Variants in IVL observed in about 807,000 individuals in gnomAD.
IVL encodes involucrin.
For missense variants in IVL, 722 were observed against 624.9 expected (o/e 1.16, Z -1.66); for synonymous variants, 257 against 271.0 (o/e 0.95, Z 0.51).
rs184389068 is a variant in IVL, at chr1:152,910,679, G to T, written c.882G>T (p.Lys294Asn). The change falls in exon 2 of 2, where the codon AAG (lysine) becomes AAT (asparagine). Residue 294 changes from lysine (K) to asparagine (N), a missense_variant. By Grantham distance (94) the Lys-to-Asn change is moderately conservative (BLOSUM62 0). Transcript: ENST00000368764. ...TGGAACAGCAGGAGGGGCAGCTGAA[G>T]CACCTGGATCAGCAGGAGAAGCAGC... ...KYLEQQEGQLKHLDQQEKQPE... is the reference protein window; with the variant it reads ...KYLEQQEGQLNHLDQQEKQPE... The T allele has an allele frequency of 2.2e-4, 336 of 1,549,548 alleles. 1 individual carries two copies. In the African/African-American group the frequency reaches 3.8e-3, roughly 18 times the overall value.
In IVL at chr1:152,911,261, A is replaced by G. The variant is rs1649985721; in HGVS notation, c.1464A>G (p.Ala488=). The G allele has an allele frequency of 6.5e-7, 1 of 1,550,010 alleles. No homozygotes were observed. Among genetic ancestry groups the G allele is most frequent in the African/African-American group, 1.4e-5 (1 of 71,666 alleles). Residue 488 remains alanine (A), a synonymous_variant, in exon 2 of 2, where the codon GCA becomes GCG. Transcript: ENST00000368764. ...TGAAGCACCTGGAGAAGCAGGAGGC[A>G]CAGCTGGAGCTCCCAGAGCAGCAGG... is the stretch of plus-strand genomic sequence containing the variant. ...GQVKHLEKQE[A]QLELPEQQVG... is the part of the protein sequence containing the mutation.
chr1:152,909,741 G>T, intron 1 of IVL, 38 bp from the exon 2 acceptor site: 2 of 1,499,988 alleles, frequency 1.3e-6, no homozygotes, highest in Non-Finnish European at 1.8e-6. Flanking sequence ...TATTTCCTTT[G>T]CCTTCAGCCT....
At position 152,910,142 on chromosome 1, in the gene IVL, G is replaced by A. The variant is rs1649901574; in HGVS notation, c.345G>A (p.Arg115=). 1.2e-6 allele frequency: 2 copies of A among 1,614,026 alleles called. No homozygotes were observed. Among genetic ancestry groups the A allele is most frequent in the African/African-American group, 1.3e-5 (1 of 74,908 alleles). ...AGCTTAAGCAGGAGAAAACACAAAG[G>A]GATCAGCAGCTAAACAAACAGCTGG... is the stretch of plus-strand genomic sequence containing the variant. ...EQQLKQEKTQ[R]DQQLNKQLEE... is the part of the protein sequence containing the mutation. The change falls in exon 2 of 2, where the codon AGG becomes AGA. Residue 115 remains arginine, a synonymous_variant. Transcript: ENST00000368764.
rs1388206618 is a variant in IVL at position 152,911,084 on chromosome 1, G to C, written c.1287G>C (p.Gln429His). The C allele has an allele frequency of 1.3e-5, 20 of 1,551,746 alleles. No individual in the cohort carries two copies. Among genetic ancestry groups the C allele is most frequent in the Non-Finnish European group, 8.7e-7 (1 of 1,147,206 alleles). ...AGCACCTGGAGCAGCAGGTGGGGCA[G>C]CTGAAGCACCTAGAGGAGCAGGAGG... ...QVEHLEQQVG[Q>H]LKHLEEQEGQ... The change falls in exon 2 of 2, where the codon CAG becomes CAC. Residue 429 changes from glutamine to histidine, a missense_variant. By Grantham distance (24) the Gln-to-His change is conservative. Transcript: ENST00000368764.
Position 152,911,490 on chromosome 1 carries a change from G to A in IVL, c.1693G>A (p.Val565Ile), listed in dbSNP as rs917818233. 9 of 1,614,048 alleles carry A rather than the reference G, an allele frequency of 5.6e-6. No individual in the cohort carries two copies. Among genetic ancestry groups the A allele is most frequent in the Non-Finnish European group, 7.6e-6 (9 of 1,180,014 alleles). ...ACCAGCCCTGCCCACAAAGGGAGAA[G>A]TATTGCTTCCTGTAGAGCACCAGCA... The part of the protein sequence containing the change: ...IQPALPTKGE[V>I]LLPVEHQQQK... The change falls in exon 2 of 2, where the codon GTA becomes ATA. Residue 565 changes from valine to isoleucine, a missense_variant. Coordinates refer to ENST00000368764, the MANE Select transcript of IVL (RefSeq NM_005547.4).
In IVL at chr1:152,910,656, G is replaced by A. The variant is rs866248540; in HGVS notation, c.859G>A (p.Glu287Lys). The A allele has an allele frequency of 1.3e-6, 2 of 1,550,788 alleles. No homozygotes were observed. The highest frequency in any genetic ancestry group is 1.7e-4 in the Middle Eastern group (1 of 5,938). ...GCAGATGGGGCAGCTGAAGTACCTG[G>A]AACAGCAGGAGGGGCAGCTGAAGCA... ...EEQMGQLKYL[E>K]QQEGQLKHLD... The change falls in exon 2 of 2, where the codon GAA (glutamate) becomes AAA (lysine). Residue 287 changes from glutamate to lysine, a missense_variant. Transcript: ENST00000368764.
At position 152,910,274 on chromosome 1, in the gene IVL, G is replaced by A. The variant is rs764131852; in HGVS notation, c.477G>A (p.Gln159=). The A allele has an allele frequency of 6.2e-7, 1 of 1,613,332 alleles. No individual in the cohort carries two copies. The highest frequency in any genetic ancestry group is 8.5e-7 in the Non-Finnish European group (1 of 1,179,722). Residue 159 remains glutamine, a synonymous_variant, in exon 2 of 2, where the codon CAG becomes CAA. Transcript: ENST00000368764. ...KEQLLELPEQ[Q]EGHLKHLEQQ... ...AACTGTTGGAGCTCCCAGAGCAGCA[G>A]GAGGGGCACCTGAAGCACCTAGAGC... is the stretch of plus-strand genomic sequence containing the variant.
In IVL at chr1:152,911,026, A is replaced by T. The variant is rs1001758745; in HGVS notation, c.1229A>T (p.Glu410Val). ...EGQLKHLVQQEGQLEQQERQV... is the reference protein window; with the variant it reads ...EGQLKHLVQQVGQLEQQERQV... ...CAGCTGAAGCATCTGGTGCAGCAGG[A>T]GGGGCAGCTGGAGCAGCAGGAGAGG... is the stretch of plus-strand genomic sequence containing the variant. The change falls in exon 2 of 2, where the codon GAG (glutamate) becomes GTG (valine). Residue 410 changes from glutamate to valine, a missense_variant. By Grantham distance (121) the Glu-to-Val change is moderately radical. Coordinates refer to ENST00000368764, the MANE Select transcript of IVL (RefSeq NM_005547.4). 41 of 1,546,822 alleles carry T rather than the reference A, an allele frequency of 2.7e-5. 1 individual carries two copies. The Admixed American group carries it at 7.9e-4, about 30-fold the overall frequency.
Position 152,910,602 on chromosome 1 carries a change from C to G in IVL, c.805C>G (p.Gln269Glu), listed in dbSNP as rs750645771. 1.9e-6 allele frequency: 3 copies of G among 1,551,196 alleles called. No homozygotes were observed. The highest frequency in any genetic ancestry group is 3.9e-5 in the Admixed American group (2 of 50,984). The change falls in exon 2 of 2, where the codon CAG (glutamine) becomes GAG (glutamate). Residue 269 changes from glutamine (Q) to glutamate (E), a missense_variant. Coordinates refer to ENST00000368764, the MANE Select transcript of IVL (RefSeq NM_005547.4). ...GGGACAGCTGAAGCACCTGGAGCAC[C>G]AGGAGGGGCAGCTGGAGGTCCCAGA... ...QEGQLKHLEH[Q>E]EGQLEVPEEQ...
intron 1 of IVL, among the ~76,000 whole-genome samples, chr1:152,908,808 G>A (rs1439237380): frequency 6.6e-6 from 1 of 152,176 alleles, no homozygotes; most frequent in Non-Finnish European, 1.5e-5. Flanking sequence ...ATCTTTTCTT[G>A]TGACCATATT....
Position 152,910,653 on chromosome 1 carries a change from C to T in IVL, c.856C>T (p.Leu286=), listed in dbSNP as rs1446551963. Residue 286 remains leucine, a synonymous_variant, in exon 2 of 2, where the codon CTG becomes TTG. Transcript: ENST00000368764. The stretch of plus-strand genomic sequence containing the variant: ...GGAGCAGATGGGGCAGCTGAAGTAC[C>T]TGGAACAGCAGGAGGGGCAGCTGAA... ...PEEQMGQLKY[L]EQQEGQLKHL... 1.9e-6 allele frequency: 3 copies of T among 1,550,460 alleles called. No homozygotes were observed. Among genetic ancestry groups the T allele is most frequent in the Non-Finnish European group, 2.6e-6 (3 of 1,146,670 alleles).
In IVL at chr1:152,909,922, C is replaced by G; in HGVS notation, c.125C>G (p.Pro42Arg). 6.2e-7 allele frequency: 1 copy of G among 1,614,188 alleles called. No homozygotes were observed. Among genetic ancestry groups the G allele is most frequent in the East Asian group, 2.2e-5 (1 of 44,874 alleles). ...EQMKQPTPLP[P>R]PCQKVPVELP... Reference sequence around the variant, plus strand: ...ATGAAACAGCCAACTCCACTGCCTCCCCCATGCCAGAAGGTGCCTGTCGAG... The same window carrying G: ...ATGAAACAGCCAACTCCACTGCCTCGCCCATGCCAGAAGGTGCCTGTCGAG... Residue 42 changes from proline (P) to arginine (R), a missense_variant, in exon 2 of 2, where the codon CCC (proline) becomes CGC (arginine). Transcript: ENST00000368764.
chr1:152,910,761 C>A lies in IVL; in HGVS notation c.964C>A (p.Gln322Lys), dbSNP rs1253795898. The A allele has an allele frequency of 1.3e-6, 2 of 1,550,750 alleles. No individual in the cohort carries two copies. Among genetic ancestry groups the A allele is most frequent in the East Asian group, 2.5e-5 (1 of 40,752 alleles). The change falls in exon 2 of 2, where the codon CAG (glutamine) becomes AAG (lysine). Residue 322 changes from glutamine to lysine, a missense_variant. By Grantham distance (53) the Gln-to-Lys change is moderately conservative. Transcript: ENST00000368764. ...QLKHLEQQEG[Q>K]PKHLEQQEGQ... ...GAAGCACCTGGAGCAGCAGGAGGGG[C>A]AGCCTAAGCATCTGGAGCAGCAGGA...
Position 152,910,217 on chromosome 1 carries a change from G to C in IVL, c.420G>C (p.Lys140Asn), listed in dbSNP as rs934368605. 2 of 1,614,268 alleles carry C rather than the reference G, an allele frequency of 1.2e-6. No individual in the cohort carries two copies. The highest frequency in any genetic ancestry group is 1.7e-6 in the Non-Finnish European group (2 of 1,180,048). The change falls in exon 2 of 2, where the codon AAG (lysine) becomes AAC (asparagine). Residue 140 changes from lysine (K) to asparagine (N), a missense_variant. Coordinates refer to ENST00000368764, the MANE Select transcript of IVL (RefSeq NM_005547.4). ...AGCAACTGGATCAAGAGCTAGTCAA[G>C]AGAGATGAGCAACTGGGAATGAAGA... Reference protein sequence around the residue: ...LDQQLDQELVKRDEQLGMKKE... With the variant: ...LDQQLDQELVNRDEQLGMKKE...
intron 1 of IVL, 124 bp from the exon 2 acceptor site, chr1:152,909,655 G>A (rs1649879617): frequency 5.7e-6 from 4 of 707,286 alleles, no homozygotes; most frequent in Non-Finnish European, 9.2e-6. Context: ...TCCAGAGGTG[G>A]TAGAACAGTA....
Position 152,910,341 on chromosome 1 carries a change from C to T in IVL, c.544C>T (p.Gln182Ter), listed in dbSNP as rs745869824. The T allele has an allele frequency of 6.4e-7, 1 of 1,560,434 alleles. No individual in the cohort carries two copies. The highest frequency in any genetic ancestry group is 8.7e-7 in the Non-Finnish European group (1 of 1,149,846). ...QLKHPEQQEG[Q>*]LELPEQQEGQ... ...GAAGCACCCGGAGCAGCAGGAGGGG[C>T]AGCTGGAGCTCCCAGAGCAGCAGGA... The change falls in exon 2 of 2, where the codon CAG becomes TAG. Residue 182 changes from glutamine to a stop codon, truncating the protein, a stop_gained. Coordinates refer to ENST00000368764, the MANE Select transcript of IVL (RefSeq NM_005547.4). LOFTEE classifies it low-confidence loss of function (END_TRUNC).
rs1649885418 is a variant in IVL, at chr1:152,909,818, G to T, written c.21G>T (p.Leu7=). 6.2e-7 allele frequency: 1 copy of T among 1,613,268 alleles called. No homozygotes were observed. Among genetic ancestry groups the T allele is most frequent in the African/African-American group, 1.3e-5 (1 of 74,898 alleles). The part of the protein sequence containing the change: MSQQHT[L]PVTLSPALSQ... The stretch of plus-strand genomic sequence containing the variant: ...CTAAGATGTCCCAGCAACACACACT[G>T]CCAGTGACCCTCTCCCCTGCCCTCA... The change falls in exon 2 of 2, where the codon CTG becomes CTT. Residue 7 remains leucine (L), a synonymous_variant. Coordinates refer to ENST00000368764, the MANE Select transcript of IVL (RefSeq NM_005547.4).
rs1411396466 is a variant in IVL, at chr1:152,911,030, G to T, written c.1233G>T (p.Gly411=). 6 of 1,550,828 alleles carry T rather than the reference G, an allele frequency of 3.9e-6. No individual in the cohort carries two copies. The Admixed American group carries it at 1.2e-4, about 30-fold the overall frequency. Residue 411 remains glycine, a synonymous_variant, in exon 2 of 2, where the codon GGG becomes GGT. Coordinates refer to ENST00000368764, the MANE Select transcript of IVL (RefSeq NM_005547.4). ...GQLKHLVQQE[G]QLEQQERQVE... ...TGAAGCATCTGGTGCAGCAGGAGGG[G>T]CAGCTGGAGCAGCAGGAGAGGCAGG...
At position 152,911,668 on chromosome 1, in the gene IVL, C is replaced by A; in HGVS notation, c.*113C>A. ...GCCCGTCTCATCTGTGAACTTGACT[C>A]TGTCCCTCTACATGTCTCTTTAATG... On this transcript the variant is annotated 3_prime_UTR_variant, in exon 2 of 2. Coordinates refer to ENST00000368764, the MANE Select transcript of IVL (RefSeq NM_005547.4). 2 of 1,011,572 alleles carry A rather than the reference C, an allele frequency of 2.0e-6. No homozygotes were observed. Among genetic ancestry groups the A allele is most frequent in the Non-Finnish European group, 2.9e-6 (2 of 678,022 alleles). The allele number at this position is 1,011,572 out of a possible 1,614,324, so 62.7% of individuals were successfully genotyped here. A position where few individuals can be genotyped will look rare whatever the true frequency, so the allele number is the denominator to read the frequency against.
Sources: allele counts gnomAD v4.1 joint callset (sites outside exome capture counted in the v4.1 genomes callset), GRCh38; gene constraint gnomAD v4.1.1; transcripts MANE v1.5; gene names NCBI Gene and HGNC (gene_info 2026-07-23, HGNC 2026-07-21).